Variants in THSD4 observed in about 807,000 individuals in gnomAD.
The protein encoded by THSD4 is thrombospondin type 1 domain containing 4.
A neutral mutation model predicts 119.0 loss-of-function variants in THSD4; 69 were observed. The ratio of observed to expected loss-of-function variants is 0.58; its 90% CI spans 0.48 to 0.71. The LOEUF (loss-of-function observed/expected upper bound fraction) is 0.71, where lower values mean the gene tolerates loss of function less well. Among genes scored for constraint, THSD4 ranks in the 30% least tolerant of loss-of-function variants. THSD4 has a pLI of 0.00. For synonymous variants in THSD4, 524 were observed against 540.4 expected, an observed-to-expected ratio of 0.97 and a Z score of 0.42; for missense variants, 1,393 against 1,391.1, an observed-to-expected ratio of 1.00 and a Z score of -0.02.
chr15:71,270,248 C>T (rs980656992), intron 6 of THSD4, among the ~76,000 whole-genome samples: 1 of 152,196 alleles, frequency 6.6e-6, no homozygotes, highest in Non-Finnish European at 1.5e-5. Flanking sequence ...GGTACCAAAA[C>T]TGATATGTAA....
chr15:71,570,213 T>C (rs960339247), intron 7 of THSD4, among the ~76,000 whole-genome samples: 1 of 152,172 alleles, frequency 6.6e-6, no homozygotes, highest in African/African-American at 2.4e-5. Context: ...ATGCATCAGG[T>C]AAAGCCAGTT....
At chr15:71,341,556 A>C in intron 6 of THSD4, 1 of 1,609,284 alleles carries the variant, frequency 6.2e-7, no homozygotes, top group Non-Finnish European at 8.5e-7. Context: ...TGTTTCTGTA[A>C]AGTGACATCT....
intron 14 of THSD4, among the ~76,000 whole-genome samples, chr15:71,752,576 A>G (rs574648782): frequency 2.0e-5 from 3 of 152,308 alleles, no homozygotes; most frequent in Admixed American, 6.5e-5. Context: ...AGGGAGTACT[A>G]TTGGGTTTAA....
chr15:71,272,686 C>T (rs2044546216), intron 6 of THSD4, among the ~76,000 whole-genome samples: 1 of 151,842 alleles, frequency 6.6e-6, no homozygotes, highest in African/African-American at 2.4e-5. Context: ...CGTAGTGAAG[C>T]CCCGTCTCTA....
chr15:71,140,742 G>T (rs1027590299), intron 1 of THSD4, among the ~76,000 whole-genome samples: 1 of 151,994 alleles, frequency 6.6e-6, no homozygotes, highest in Admixed American at 6.6e-5. Flanking sequence ...TCACAATTTC[G>T]TGTACAATTC....
intron 8 of THSD4, among the ~76,000 whole-genome samples, chr15:71,665,015 G>A (rs766569262): frequency 1.2e-4 from 19 of 152,132 alleles, no homozygotes; most frequent in Non-Finnish European, 2.6e-4. Context: ...TACCCAGTAA[G>A]GGATTGCTGG....
chr15:71,636,364 A>G (rs1407160604), intron 7 of THSD4, among the ~76,000 whole-genome samples: 1 of 152,166 alleles, frequency 6.6e-6, no homozygotes, highest in Admixed American at 6.5e-5. Flanking sequence ...CAGAGGTTGC[A>G]GTGAGCCGAG....
intron 7 of THSD4, among the ~76,000 whole-genome samples, chr15:71,608,691 TA>T (rs765493985): frequency 3.3e-5 from 5 of 152,202 alleles, no homozygotes; most frequent in Non-Finnish European, 7.3e-5. Flanking sequence ...CTATCAAAGG[TA>T]AATGGCTTTC....
chr15:71,354,276 G>A lies in THSD4; in HGVS notation c.1016-57411G>A, dbSNP rs536113691. 2.0e-5 allele frequency among the ~76,000 whole-genome samples: 3 copies of A among 152,268 alleles called. No individual in the cohort carries two copies. In the South Asian group the frequency reaches 6.2e-4, roughly 32 times the overall value. On this transcript the variant is annotated intron_variant, in intron 6 of 17. Coordinates refer to ENST00000261862, the MANE Select transcript of THSD4 (RefSeq NM_024817.3). ...TGCCACTGTACTCCAGCCTGATCGA[G>A]ACCTTGTGTTTCTATAAAGAAAAGA...
chr15:71,465,444 T>C (rs771546702), intron 7 of THSD4, among the ~76,000 whole-genome samples: 1 of 152,194 alleles, frequency 6.6e-6, no homozygotes, highest in African/African-American at 2.4e-5. Context: ...CTGCTACCTT[T>C]TGGGGGTTTC....
chr15:71,112,229 C>T, upstream of THSD4: 1 of 1,611,362 alleles, frequency 6.2e-7, no homozygotes, highest in Non-Finnish European at 8.5e-7. Flanking sequence ...AGGCAGAGGG[C>T]TGATCAGTGA....
intron 7 of THSD4, among the ~76,000 whole-genome samples, chr15:71,515,166 T>C (rs1567016868): frequency 6.6e-6 from 1 of 152,222 alleles, no homozygotes; most frequent in Non-Finnish European, 1.5e-5. Flanking sequence ...ATGAATGTGT[T>C]ATTCTGTGTC....
chr15:71,227,000 C>A (rs1378882066), intron 4 of THSD4, among the ~76,000 whole-genome samples: 1 of 152,176 alleles, frequency 6.6e-6, no homozygotes, highest in East Asian at 1.9e-4. Flanking sequence ...CCTGTTGATG[C>A]TAAGCAGATA....
At chr15:71,763,770 A>G (rs775727386) in intron 15 of THSD4, among the ~76,000 whole-genome samples, 2 of 151,902 alleles carry the variant, frequency 1.3e-5, no homozygotes, top group Non-Finnish European at 2.9e-5. Context: ...AATTGTTTTA[A>G]TTAGTCGGGC....
At chr15:71,302,571 T>C (rs2044966656) in intron 6 of THSD4, among the ~76,000 whole-genome samples, 1 of 151,484 alleles carries the variant, frequency 6.6e-6, no homozygotes, top group Admixed American at 6.6e-5. Context: ...GGAATGGTTT[T>C]GTTGGGTGGG....
intron 17 of THSD4, among the ~76,000 whole-genome samples, chr15:71,776,884 G>C (rs2053923513): frequency 6.6e-6 from 1 of 152,198 alleles, no homozygotes; most frequent in Non-Finnish European, 1.5e-5. Context: ...AAATGTCACA[G>C]AGTGGTGAGG....
intron 6 of THSD4, among the ~76,000 whole-genome samples, chr15:71,280,228 A>T (rs1396116370): frequency 6.6e-6 from 1 of 152,182 alleles, no homozygotes; most frequent in African/African-American, 2.4e-5. Flanking sequence ...CAAAGAACTT[A>T]TAAAGGGGAA....
chr15:71,120,016 CTG>C, intron 1 of THSD4, among the ~76,000 whole-genome samples: 1 of 152,230 alleles, frequency 6.6e-6, no homozygotes. Context: ...TTTCTTTACT[CTG>C]TGCCTGATCA....
At chr15:71,436,244 CTACCCTGTGA>C (rs1049642591) in intron 7 of THSD4, among the ~76,000 whole-genome samples, 10 of 152,240 alleles carry the variant, frequency 6.6e-5, no homozygotes, top group Admixed American at 2.6e-4. Flanking sequence ...TATCCTACTT[CTACCCTGTGA>C]TACCCTTATT....
Sources: allele counts gnomAD v4.1 joint callset (sites outside exome capture counted in the v4.1 genomes callset), GRCh38; gene constraint gnomAD v4.1.1; transcripts MANE v1.5; gene names NCBI Gene and HGNC (gene_info 2026-07-23, HGNC 2026-07-21).